Variants in ASTN2 observed in about 807,000 individuals in gnomAD.
ASTN2 encodes the protein astrotactin 2.
In ASTN2, 54 loss-of-function variants were observed where a neutral mutation model predicts 139.8. The ratio of observed to expected loss-of-function variants is 0.39; its 90% CI spans 0.31 to 0.48. The LOEUF is 0.48. Among genes scored for constraint, ASTN2 ranks in the 20% least tolerant of loss-of-function variants. The pLI is 0.95. For missense variants in ASTN2, 1,565 were observed against 1,725.1 expected (o/e 0.91, Z 1.64); for synonymous variants, 756 against 719.5 (o/e 1.05, Z -0.81).
intron 1 of ASTN2, among the ~76,000 whole-genome samples, chr9:117,390,714 T>C (rs1211048625): frequency 6.6e-6 from 1 of 152,198 alleles, no homozygotes; most frequent in African/African-American, 2.4e-5. Context: ...AATATCCCAT[T>C]GTCTGGATGT....
At chr9:116,935,502 C>A (rs1588423851) in intron 10 of ASTN2, among the ~76,000 whole-genome samples, 1 of 152,040 alleles carries the variant, frequency 6.6e-6, no homozygotes. Context: ...TTTCCAGAAG[C>A]ATGTTCCTCT....
Position 116,425,852 on chromosome 9 carries a change from C to T in ASTN2, c.4019G>A (p.Ter1340=). The change falls in exon 23 of 23, where the codon TGA becomes TAA. Residue 1340 remains the stop codon, a stop_retained_variant. Coordinates refer to ENST00000313400, the MANE Select transcript of ASTN2 (RefSeq NM_001365068.1). ...GCTCACGGAGGGCAATACCCTCCCT[C>T]ACCGGCCCTTGGACTCCCCGTACGT... The part of the protein sequence containing the change: ...RNTYGESKGR[*] The T allele has an allele frequency of 6.2e-7, 1 of 1,614,160 alleles. No homozygotes were observed. The highest frequency in any genetic ancestry group is 8.5e-7 in the Non-Finnish European group (1 of 1,180,032).
intron 19 of ASTN2, chr9:116,546,269 A>G (rs1852086556): frequency 6.6e-6 from 1 of 152,212 alleles, no homozygotes; most frequent in Admixed American, 6.5e-5. Context: ...TTCCCATTAC[A>G]GATGACATTC....
chr9:116,907,994 A>G (rs1421344029), intron 10 of ASTN2, among the ~76,000 whole-genome samples: 1 of 152,196 alleles, frequency 6.6e-6, no homozygotes, highest in African/African-American at 2.4e-5. Flanking sequence ...CTGAGTTATT[A>G]GCTAAATGCG....
In ASTN2 at chr9:116,845,366, G is replaced by A. The variant is rs187667290; in HGVS notation, c.2040+18217C>T. ...GGTCTCCTGACCTCGTGATCCGCCCGCCTCGGCCTCCCAAACGTACCATTC... is the reference window on the plus strand; with the variant it reads ...GGTCTCCTGACCTCGTGATCCGCCCACCTCGGCCTCCCAAACGTACCATTC... On this transcript the variant is annotated intron_variant, in intron 11 of 22. Transcript: ENST00000313400. Among the ~76,000 whole-genome samples the A allele has an allele frequency of 3.0e-3, 450 of 152,236 alleles. 5 individuals carry two copies. Among genetic ancestry groups the A allele is most frequent in the African/African-American group, 0.01 (428 of 41,554 alleles).
chr9:116,863,497 C>G (rs1156617270), intron 11 of ASTN2, 86 bp downstream of exon 11: 3 of 1,530,838 alleles, frequency 2.0e-6, no homozygotes, highest in Non-Finnish European at 2.7e-6. Flanking sequence ...ATCCTCCTTA[C>G]CAGCGTTCCC....
Position 117,414,391 on chromosome 9 carries a change from T to TCGGGGCAGCCCCGGGCAGGGATCCC in ASTN2, c.442+81_442+105dup. The TCGGGGCAGCCCCGGGCAGGGATCCC allele has an allele frequency of 6.6e-7, 1 of 1,513,488 alleles. No homozygotes were observed. Among genetic ancestry groups the TCGGGGCAGCCCCGGGCAGGGATCCC allele is most frequent in the Non-Finnish European group, 8.8e-7 (1 of 1,131,234 alleles). The allele number at this position is 1,513,488 out of a possible 1,614,324, so 93.8% of individuals were successfully genotyped here. On this transcript the variant is annotated intron_variant, in intron 1 of 22. Transcript: ENST00000313400. This position sits in a 1 kb window ranked among gnomAD's most constrained non-coding sequence, Gnocchi z 4.2. ...CTCCTCTACCCTCTGCCAACCCCACTCGGGGCAGCCCCGGGCAGGGATCCC... is the reference window on the plus strand; with the variant it reads ...CTCCTCTACCCTCTGCCAACCCCACTCGGGGCAGCCCCGGGCAGGGATCCCCGGGGCAGCCCCGGGCAGGGATCCC...
chr9:116,807,671 T>C (rs138188228), intron 12 of ASTN2, among the ~76,000 whole-genome samples: 48 of 152,312 alleles, frequency 3.2e-4, no homozygotes, highest in African/African-American at 1.0e-3. Flanking sequence ...TCTAGTTCCA[T>C]CCATTTATTG....
At chr9:116,485,595 A>C (rs1362671871) in intron 20 of ASTN2, among the ~76,000 whole-genome samples, 2 of 152,138 alleles carry the variant, frequency 1.3e-5, no homozygotes, top group Admixed American at 1.3e-4. Flanking sequence ...CCCCAGTCCC[A>C]CCACTCACCA....
chr9:117,403,339 A>G (rs1006933581), intron 1 of ASTN2, among the ~76,000 whole-genome samples: 1 of 152,210 alleles, frequency 6.6e-6, no homozygotes, highest in Non-Finnish European at 1.5e-5. Flanking sequence ...GAAGCATTGA[A>G]TAAGTGTGCA....
intron 6 of ASTN2, among the ~76,000 whole-genome samples, chr9:117,019,830 C>A (rs1431621907): frequency 6.6e-6 from 1 of 152,094 alleles, no homozygotes; most frequent in Non-Finnish European, 1.5e-5. Context: ...ACTCTGTGAA[C>A]CTTGCGGATT....
chr9:116,690,489 A>G (rs1222703315), intron 16 of ASTN2, among the ~76,000 whole-genome samples: 1 of 152,186 alleles, frequency 6.6e-6, no homozygotes, highest in East Asian at 1.9e-4. Flanking sequence ...AGAAGTTTAT[A>G]AGGCCCTTAA....
At chr9:116,723,811 T>C (rs1490604590) in intron 16 of ASTN2, among the ~76,000 whole-genome samples, 1 of 152,182 alleles carries the variant, frequency 6.6e-6, no homozygotes, top group Non-Finnish European at 1.5e-5. Flanking sequence ...TCCTCTGTCC[T>C]TTTCTTGGGA....
chr9:116,968,430 A>ACG (rs1451429365), intron 10 of ASTN2, among the ~76,000 whole-genome samples: 1 of 152,032 alleles, frequency 6.6e-6, no homozygotes, highest in East Asian at 1.9e-4. Context: ...GAATGAATAC[A>ACG]CTACCCTAAA....
chr9:117,205,607 TTC>T (rs926342670), intron 3 of ASTN2, among the ~76,000 whole-genome samples: 7 of 152,156 alleles, frequency 4.6e-5, no homozygotes, highest in Non-Finnish European at 1.0e-4. Context: ...CCCCGACTTT[TTC>T]TGTTTGTCCA....
chr9:117,295,345 G>T (rs755589429), intron 1 of ASTN2, among the ~76,000 whole-genome samples: 1 of 151,900 alleles, frequency 6.6e-6, no homozygotes, highest in Non-Finnish European at 1.5e-5. Flanking sequence ...AATAAAATAA[G>T]AAAGAAAGAA....
At chr9:116,692,196 T>G (rs1860604406) in intron 16 of ASTN2, among the ~76,000 whole-genome samples, 1 of 152,204 alleles carries the variant, frequency 6.6e-6, no homozygotes, top group Non-Finnish European at 1.5e-5. Flanking sequence ...TGGTGGCAAT[T>G]CAAGCATTAG....
intron 2 of ASTN2, among the ~76,000 whole-genome samples, chr9:117,257,644 G>C (rs1180656314): frequency 8.5e-5 from 13 of 152,248 alleles, no homozygotes; most frequent in Non-Finnish European, 2.9e-5. Flanking sequence ...GAAAATTTTG[G>C]CTTTGAAGTG....
chr9:117,221,847 GAAA>G (rs57161095), intron 2 of ASTN2, among the ~76,000 whole-genome samples: 7,460 of 145,016 alleles, frequency 0.051, 368 homozygotes, highest in African/African-American at 0.13. Flanking sequence ...AGTGTTAGAA[GAAA>G]AAAAAAAAAG....
Sources: gnomAD v4.1 joint callset for allele counts (sites outside exome capture counted in the v4.1 genomes callset) on GRCh38, gnomAD v4.1.1 for gene constraint, Gnocchi (gnomAD v3.1) non-coding constraint, MANE v1.5 for transcripts, NCBI Gene and HGNC (gene_info 2026-07-23, HGNC 2026-07-21) for gene names.